The following DMBT1 variants were observed in gnomAD, a reference collection of about 807,000 sequenced individuals.
The protein encoded by DMBT1 is deleted in malignant brain tumors 1.
A neutral mutation model predicts 252.9 loss-of-function variants in DMBT1; 198 were observed. That is an observed-to-expected ratio of 0.78 (90% CI 0.70 to 0.88). DMBT1 has a LOEUF of 0.88. Ranked by LOEUF, DMBT1 falls within the 40% of genes least tolerant of loss-of-function variation. The probability of loss-of-function intolerance (pLI) is 0.00; values close to 1 mark genes in which losing one functional copy is unlikely to be tolerated. For synonymous variants in DMBT1, 990 were observed against 942.7 expected (o/e 1.05, Z -0.92); for missense variants, 2,432 against 2,404.7 (o/e 1.01, Z -0.24).
Position 122,640,450 on chromosome 10 carries a change from G to T in DMBT1, c.7352+1G>T. On this transcript the variant is annotated splice_donor_variant, in intron 55 of 55. Transcript: ENST00000338354. LOFTEE classifies it high-confidence loss of function. Reference sequence around the variant, plus strand: ...TGACTTATGATCTAATCCGGAGTGGGTAAGGAGTGTCTTTATGCGATGGCC... The same window carrying T: ...TGACTTATGATCTAATCCGGAGTGGTTAAGGAGTGTCTTTATGCGATGGCC... 1 of 1,609,286 alleles carries T rather than the reference G, an allele frequency of 6.2e-7. No individual in the cohort carries two copies.
chr10:122,570,968 C>A (rs2097657531), intron 4 of DMBT1, 31 bp downstream of exon 4: 2 of 1,605,304 alleles, frequency 1.2e-6, no homozygotes, highest in African/African-American at 2.7e-5. Context: ...TCCCTGTGGG[C>A]TCATTACCCC....
chr10:122,573,496 G>A (rs539521293), intron 5 of DMBT1, among the ~76,000 whole-genome samples: 3 of 152,318 alleles, frequency 2.0e-5, no homozygotes, highest in African/African-American at 7.2e-5. Flanking sequence ...GAGGACATGG[G>A]GGTAGGGTAA....
In DMBT1 at chr10:122,592,051, C is replaced by G. The variant is rs538395021; in HGVS notation, c.2177-221C>G. On this transcript the variant is annotated intron_variant, in intron 19 of 55. Coordinates refer to ENST00000338354, the MANE Select transcript of DMBT1 (RefSeq NM_001377530.1). ...ATTCCTGTCACCTCCACTGGGGTCA[C>G]AGGCGCTTTCCCAAAATCTGAGCCT... Among the ~76,000 whole-genome samples the G allele has an allele frequency of 5.9e-4, 88 of 148,594 alleles. 4 individuals are homozygous for G. The highest frequency in any genetic ancestry group is 1.9e-3 in the African/African-American group (80 of 41,086).
At chr10:122,627,720 T>C (rs2098128260) in intron 46 of DMBT1, among the ~76,000 whole-genome samples, 2 of 152,190 alleles carry the variant, frequency 1.3e-5, no homozygotes. Flanking sequence ...AGTGTAGAAA[T>C]AGAAAGGGAG....
intron 45 of DMBT1, 67 bp downstream of exon 45, chr10:122,625,370 A>C (rs547326175): frequency 5.7e-5 from 83 of 1,465,062 alleles, no homozygotes; most frequent in Admixed American, 3.1e-4. Context: ...TGTTTCCAGA[A>C]GTAGGAGGAG....
At chr10:122,642,586 C>A (rs1195067302) in intron 55 of DMBT1, among the ~76,000 whole-genome samples, 4 of 152,090 alleles carry the variant, frequency 2.6e-5, no homozygotes, top group African/African-American at 7.2e-5. Context: ...CAGTGTGGAA[C>A]GTACAGCTGC....
chr10:122,575,851 GCAGAGAC>G (rs1259414567), intron 6 of DMBT1, among the ~76,000 whole-genome samples: 1 of 152,208 alleles, frequency 6.6e-6, no homozygotes, highest in Non-Finnish European at 1.5e-5. Context: ...TGCTTTGGAA[GCAGAGAC>G]CAGTGGGATC....
At chr10:122,641,805 T>C (rs922768669) in intron 55 of DMBT1, among the ~76,000 whole-genome samples, 2 of 152,198 alleles carry the variant, frequency 1.3e-5, no homozygotes, top group African/African-American at 2.4e-5. Context: ...ACCCTGGCTA[T>C]ACCTGGAGCA....
At chr10:122,597,927 T>C in intron 24 of DMBT1, 47 bp from the exon 25 acceptor site, 1 of 1,613,694 alleles carries the variant, frequency 6.2e-7, no homozygotes, top group South Asian at 1.1e-5. Context: ...TTTGGAGATT[T>C]TCACCATCAA....
At position 122,625,292 on chromosome 10, in the gene DMBT1, C is replaced by A. The variant is rs2098110145; in HGVS notation, c.5624C>A (p.Ser1875Tyr). ...TTCCTTGCAGCCACCCAAATAAATT[C>A]TACTACGACAGGTGAGTCTGCTACA... Reference protein sequence around the residue: ...GVICSATQINSTTTDWWHPTT... With the variant: ...GVICSATQINYTTTDWWHPTT... Residue 1875 changes from serine (S) to tyrosine (Y), a missense_variant, in exon 45 of 56, where the codon TCT becomes TAT. Ser to Tyr is a moderately radical substitution (Grantham distance 144). Coordinates refer to ENST00000338354, the MANE Select transcript of DMBT1 (RefSeq NM_001377530.1). 1.9e-6 allele frequency: 3 copies of A among 1,611,038 alleles called. No homozygotes were observed. Among genetic ancestry groups the A allele is most frequent in the South Asian group, 2.2e-5 (2 of 90,014 alleles).
At chr10:122,627,710 A>G (rs545696116) in intron 46 of DMBT1, among the ~76,000 whole-genome samples, 5 of 152,284 alleles carry the variant, frequency 3.3e-5, no homozygotes, top group Admixed American at 1.3e-4. Flanking sequence ...ATTATTTCCC[A>G]GTGTAGAAAT....
rs1565741165 is a variant in DMBT1 at position 122,591,460 on chromosome 10, T to A, written c.2138-19T>A. 6.3e-6 allele frequency: 10 copies of A among 1,584,808 alleles called. 2 individuals are homozygous for A. The highest frequency in any genetic ancestry group is 7.7e-6 in the Non-Finnish European group (9 of 1,162,802). ...CCCTCAACTTTAATTCTAGCCTTTG[T>A]CTTTGTTGCAATTTACAGACACGTT... On this transcript the variant is annotated intron_variant, in intron 18 of 55. Coordinates refer to ENST00000338354, the MANE Select transcript of DMBT1 (RefSeq NM_001377530.1).
chr10:122,617,155 C>T lies in DMBT1; in HGVS notation c.4859-73C>T, dbSNP rs1437181609. Reference sequence around the variant, plus strand: ...ATTGTTGCCAGGTTGATTCCCCCTCCCAGAGAACCTTTTGTTCTGTGCCTT... The same window carrying T: ...ATTGTTGCCAGGTTGATTCCCCCTCTCAGAGAACCTTTTGTTCTGTGCCTT... On this transcript the variant is annotated intron_variant, in intron 39 of 55. Coordinates refer to ENST00000338354, the MANE Select transcript of DMBT1 (RefSeq NM_001377530.1). 3 of 1,506,058 alleles carry T rather than the reference C, an allele frequency of 2.0e-6. 1 individual carries two copies. The highest frequency in any genetic ancestry group is 4.9e-5 in the East Asian group (2 of 40,996). The allele number at this position is 1,506,058 out of a possible 1,614,324, so 93.3% of individuals were successfully genotyped here.
At position 122,579,853 on chromosome 10, in the gene DMBT1, C is replaced by T. The variant is rs557365998; in HGVS notation, c.955C>T (p.Leu319Phe). Reference sequence around the variant, plus strand: ...GTGGAGCTGCCCCCACAATGGCTGGCTCACCCACAACTGTGGCCATAGTGA... The same window carrying T: ...GTGGAGCTGCCCCCACAATGGCTGGTTCACCCACAACTGTGGCCATAGTGA... ...YLWSCPHNGW[L>F]THNCGHSEDA... Residue 319 changes from leucine (L) to phenylalanine (F), a missense_variant, in exon 10 of 56, where the codon CTC becomes TTC. Physicochemically the swap from Leu to Phe is conservative, Grantham distance 22. Transcript: ENST00000338354. The T allele has an allele frequency of 3.7e-6, 6 of 1,613,704 alleles. No individual in the cohort carries two copies. In the African/African-American group the frequency reaches 5.3e-5, roughly 14 times the overall value.
intron 5 of DMBT1, among the ~76,000 whole-genome samples, 199 bp downstream of exon 5, chr10:122,572,560 G>A (rs1026642963): frequency 1.3e-5 from 2 of 152,194 alleles, no homozygotes; most frequent in Non-Finnish European, 2.9e-5. Context: ...TTGTACACGT[G>A]TGTGTGCTCT....
intron 44 of DMBT1, among the ~76,000 whole-genome samples, chr10:122,621,963 G>A (rs1352988557): frequency 1.3e-5 from 2 of 152,206 alleles, no homozygotes; most frequent in Non-Finnish European, 2.9e-5. Context: ...CAGCTCCCAT[G>A]AGATCTGCCA....
At chr10:122,571,358 A>G (rs1451891606) in intron 4 of DMBT1, among the ~76,000 whole-genome samples, 1 of 152,094 alleles carries the variant, frequency 6.6e-6, no homozygotes, top group African/African-American at 2.4e-5. Flanking sequence ...CATCACGACA[A>G]CCCCTGTCCT....
intron 52 of DMBT1, among the ~76,000 whole-genome samples, chr10:122,634,451 TC>T (rs36101212): frequency 2.2e-4 from 20 of 92,184 alleles, no homozygotes; most frequent in African/African-American, 1.1e-3. Flanking sequence ...TCTCTCTCTC[TC>T]TCTCTCTCTC....
At chr10:122,638,313 G>A (rs967548467) in intron 54 of DMBT1, among the ~76,000 whole-genome samples, 2 of 152,086 alleles carry the variant, frequency 1.3e-5, no homozygotes, top group Admixed American at 6.6e-5. Flanking sequence ...ATTCACACTC[G>A]TTCACACCCA....
Sources: allele counts gnomAD v4.1 joint callset (sites outside exome capture counted in the v4.1 genomes callset), GRCh38; gene constraint gnomAD v4.1.1; transcripts MANE v1.5; gene names NCBI Gene and HGNC (gene_info 2026-07-23, HGNC 2026-07-21).